The following SERPINA10 variants were observed in gnomAD, a reference collection of about 807,000 sequenced individuals.
The protein encoded by SERPINA10 is serpin family A member 10, also known as protein Z-dependent protease inhibitor.
In SERPINA10, 24 loss-of-function variants were observed where a neutral mutation model predicts 28.0. The observed-to-expected ratio is 0.86, with a 90% CI of 0.62 to 1.20. The LOEUF (loss-of-function observed/expected upper bound fraction) is 1.20. Ranked by LOEUF, SERPINA10 falls within the 50% of genes most tolerant of loss-of-function variation. The probability of loss-of-function intolerance (pLI) is 0.00; values close to 1 mark genes in which losing one functional copy is unlikely to be tolerated. For missense variants in SERPINA10, 521 were observed against 537.7 expected, an observed-to-expected ratio of 0.97 and a Z score of 0.31; for synonymous variants, 207 against 203.9, an observed-to-expected ratio of 1.02 and a Z score of -0.13.
chr14:94,290,110 G>T lies in SERPINA10; in HGVS notation c.484C>A (p.Gln162Lys), dbSNP rs958202784. ...TTGTGGATGAAGGCAAAACTCCCCT[G>T]TGTGAGGCCCAGTTCCAGGTTGCGG... ...LSRNLELGLT[Q>K]GSFAFIHKDF... Residue 162 changes from glutamine to lysine, a missense_variant, in exon 2 of 5, where the codon CAG becomes AAG. Gln to Lys is a moderately conservative substitution (Grantham distance 53). Transcript: ENST00000261994. 5 of 1,614,084 alleles carry T rather than the reference G, an allele frequency of 3.1e-6. No homozygotes were observed. The highest frequency in any genetic ancestry group is 4.2e-6 in the Non-Finnish European group (5 of 1,180,042).
rs988524912 is a variant in SERPINA10 at position 94,283,407 on chromosome 14, G to A, written c.*558C>T. Reference sequence around the variant, plus strand: ...TCTCAGTTAACCATGGTCAACCATGGTCCAAAAACATTAAATGAAAAATTC... The same window carrying A: ...TCTCAGTTAACCATGGTCAACCATGATCCAAAAACATTAAATGAAAAATTC... On this transcript the variant is annotated 3_prime_UTR_variant, in exon 5 of 5. Coordinates refer to ENST00000261994, the MANE Select transcript of SERPINA10 (RefSeq NM_001100607.3). The A allele has an allele frequency of 3.3e-5, 5 of 153,798 alleles. No individual in the cohort carries two copies. Among genetic ancestry groups the A allele is most frequent in the African/African-American group, 1.2e-4 (5 of 41,406 alleles). The allele number at this position is 153,798 out of a possible 1,614,324, so 9.5% of individuals were successfully genotyped here.
chr14:94,288,260 G>A (rs776837092), intron 3 of SERPINA10, 26 bp downstream of exon 3: 4 of 1,612,742 alleles, frequency 2.5e-6, no homozygotes, highest in Admixed American at 1.7e-5. Flanking sequence ...GGTAGAGTTT[G>A]TATAGGGTGT....
rs574684201 is a variant in SERPINA10, at chr14:94,283,989, C to G, written c.1311G>C (p.Arg437Ser). 36 of 1,614,028 alleles carry G rather than the reference C, an allele frequency of 2.2e-5. No individual in the cohort carries two copies. The highest frequency in any genetic ancestry group is 1.7e-4 in the African/African-American group (13 of 75,038). ...ATTATAGGAGAGTCGGATTCACCAC[C>G]CTGCCCAGAAACAGAAGCATTCCAG... ...ETSGMLLFLG[R>S]VVNPTLL The change falls in exon 5 of 5, where the codon AGG becomes AGC. Residue 437 changes from arginine (R) to serine (S), a missense_variant. Transcript: ENST00000261994.
At chr14:94,289,837 G>T in intron 2 of SERPINA10, 39 bp downstream of exon 2, 1 of 1,605,810 alleles carries the variant, frequency 6.2e-7, no homozygotes, top group South Asian at 1.1e-5. Flanking sequence ...CAATCGTAGG[G>T]CCCTGTGGCC....
chr14:94,284,056 T>TTGA lies in SERPINA10; in HGVS notation c.1241_1243dup (p.Ile414dup). 1 of 1,614,220 alleles carries TTGA rather than the reference T, an allele frequency of 6.2e-7. No homozygotes were observed. On this transcript the variant is annotated inframe_insertion, in exon 5 of 5. Transcript: ENST00000261994. ...CATGAAATGAAATGGCCGGTCCACT[T>TTGA]TGATGACAGGAGGCATGGAATAAGC... is the stretch of plus-strand genomic sequence containing the variant.
At position 94,282,325 on chromosome 14, in the gene SERPINA10, C is replaced by T. The variant is rs979505233; in HGVS notation, c.*1640G>A. 1.3e-5 allele frequency: 2 copies of T among 152,116 alleles called. No individual in the cohort carries two copies. The highest frequency in any genetic ancestry group is 4.8e-5 in the African/African-American group (2 of 41,412). 9.4% of individuals were successfully genotyped at this position (152,116 alleles called of 1,614,324 possible). On this transcript the variant is annotated 3_prime_UTR_variant, in exon 5 of 5. Coordinates refer to ENST00000261994, the MANE Select transcript of SERPINA10 (RefSeq NM_001100607.3). ...TTAGGCATTTAGTTAACATAGTTCA[C>T]ACTGTAAATCAGCTCTATTCAGGAT...
chr14:94,291,594 C>T (rs960368709), intron 1 of SERPINA10, among the ~76,000 whole-genome samples: 7 of 152,212 alleles, frequency 4.6e-5, no homozygotes, highest in Non-Finnish European at 1.0e-4. Flanking sequence ...GGCAGAACCC[C>T]TGGGACACCT....
In SERPINA10 at chr14:94,290,155, C is replaced by T. The variant is rs1313011964; in HGVS notation, c.439G>A (p.Gly147Arg). The T allele has an allele frequency of 1.9e-6, 3 of 1,614,064 alleles. No homozygotes were observed. Among genetic ancestry groups the T allele is most frequent in the Non-Finnish European group, 2.5e-6 (3 of 1,180,012 alleles). ...TTGCGGGAGAGGGTCTCTCTGAGTCCCTTAAAGAGGGAAGGCAGGAGCCCG... is the reference window on the plus strand; with the variant it reads ...TTGCGGGAGAGGGTCTCTCTGAGTCTCTTAAAGAGGGAAGGCAGGAGCCCG... Reference protein sequence around the residue: ...KPGLLPSLFKGLRETLSRNLE... With the variant: ...KPGLLPSLFKRLRETLSRNLE... The change falls in exon 2 of 5, where the codon GGA (glycine) becomes AGA (arginine). Residue 147 changes from glycine (G) to arginine (R), a missense_variant. Coordinates refer to ENST00000261994, the MANE Select transcript of SERPINA10 (RefSeq NM_001100607.3).
rs765599953 is a variant in SERPINA10, at chr14:94,283,951, A to T, written c.*14T>A. ...GCATCTACTACAGCACGAAGTGCTT[A>T]TGCGTGTCCTGAATTATAGGAGAGT... is the stretch of plus-strand genomic sequence containing the variant. On this transcript the variant is annotated 3_prime_UTR_variant, in exon 5 of 5. Coordinates refer to ENST00000261994, the MANE Select transcript of SERPINA10 (RefSeq NM_001100607.3). The T allele has an allele frequency of 1.2e-6, 2 of 1,613,272 alleles. No individual in the cohort carries two copies. Among genetic ancestry groups the T allele is most frequent in the South Asian group, 1.1e-5 (1 of 91,060 alleles).
rs571162155 is a variant in SERPINA10 at position 94,282,245 on chromosome 14, A to G, written c.*1720T>C. ...CTGAATTATATTAAACAACTAATCA[A>G]TAAATGAATTTTAGGTTTTTTTAAA... On this transcript the variant is annotated 3_prime_UTR_variant, in exon 5 of 5. Coordinates refer to ENST00000261994, the MANE Select transcript of SERPINA10 (RefSeq NM_001100607.3). 5.9e-5 allele frequency: 9 copies of G among 152,212 alleles called. No homozygotes were observed. In the East Asian group the frequency reaches 1.4e-3, roughly 23 times the overall value. The allele number at this position is 152,212 out of a possible 1,614,324, so 9.4% of individuals were successfully genotyped here.
intron 2 of SERPINA10, among the ~76,000 whole-genome samples, chr14:94,289,197 C>A: frequency 6.6e-6 from 1 of 152,320 alleles, no homozygotes; most frequent in Middle Eastern, 3.4e-3. Flanking sequence ...AAGTGGCATC[C>A]AACCCACGTC....
intron 4 of SERPINA10, among the ~76,000 whole-genome samples, chr14:94,284,718 G>A (rs909919933): frequency 1.3e-5 from 2 of 152,148 alleles, no homozygotes; most frequent in Non-Finnish European, 2.9e-5. Flanking sequence ...TGTTTGGGAG[G>A]CCCTTTTTTA....
Position 94,282,713 on chromosome 14 carries a change from G to A in SERPINA10, c.*1252C>T, listed in dbSNP as rs1361075094. ...CAGTACTGTAAGGGCCCATGAAGGT[G>A]TTTTGCTTATTGCCATATGCTAGAC... is the stretch of plus-strand genomic sequence containing the variant. On this transcript the variant is annotated 3_prime_UTR_variant, in exon 5 of 5. Transcript: ENST00000261994. 6.6e-6 allele frequency: 1 copy of A among 152,182 alleles called. No individual in the cohort carries two copies. Among genetic ancestry groups the A allele is most frequent in the Non-Finnish European group, 1.5e-5 (1 of 68,048 alleles). 9.4% of individuals were successfully genotyped at this position (152,182 alleles called of 1,614,324 possible).
At position 94,292,284 on chromosome 14, in the gene SERPINA10, T is replaced by G. The variant is rs1261306382; in HGVS notation, c.-51+905A>C. ...GAGCAGAGTCCCCCTCCGCACCTCC[T>G]CTCCATGGGAGGACACGGTGCGAAG... On this transcript the variant is annotated intron_variant, in intron 1 of 4. Transcript: ENST00000261994. 2.0e-5 allele frequency among the ~76,000 whole-genome samples: 3 copies of G among 151,942 alleles called. No individual in the cohort carries two copies. In the East Asian group the frequency reaches 5.8e-4, roughly 29 times the overall value.
intron 4 of SERPINA10, among the ~76,000 whole-genome samples, chr14:94,285,466 T>C (rs1894995420): frequency 6.6e-6 from 1 of 151,858 alleles, no homozygotes; most frequent in African/African-American, 2.4e-5. Flanking sequence ...TCTCCATATA[T>C]ATATGTATGT....
chr14:94,288,693 G>T, intron 2 of SERPINA10, 134 bp from the exon 3 acceptor site: 1 of 1,247,860 alleles, frequency 8.0e-7, no homozygotes, highest in Non-Finnish European at 1.1e-6. Flanking sequence ...TAGGAAAGGC[G>T]TTCCCTAATT....
chr14:94,286,371 T>C (rs192923795), intron 3 of SERPINA10, 113 bp from the exon 4 acceptor site: 126 of 1,172,280 alleles, frequency 1.1e-4, no homozygotes, highest in Admixed American at 7.6e-4. Flanking sequence ...AGTCTTTCAG[T>C]TGACTATGTA....
At position 94,282,564 on chromosome 14, in the gene SERPINA10, G is replaced by A. The variant is rs979858501; in HGVS notation, c.*1401C>T. ...AAAAAGGGCTTGGAGACTAGACTCA[G>A]GAAAGGTAGGCTTCTGACTCTGCCA... On this transcript the variant is annotated 3_prime_UTR_variant, in exon 5 of 5. Transcript: ENST00000261994. 9.9e-5 allele frequency: 15 copies of A among 152,182 alleles called. No individual in the cohort carries two copies. Among genetic ancestry groups the A allele is most frequent in the African/African-American group, 3.1e-4 (13 of 41,426 alleles). The allele number at this position is 152,182 out of a possible 1,614,324, so 9.4% of individuals were successfully genotyped here.
Position 94,283,669 on chromosome 14 carries a change from ATTG to A in SERPINA10, c.*293_*295del. On this transcript the variant is annotated 3_prime_UTR_variant, in exon 5 of 5. Transcript: ENST00000261994. ...ACTCATTTTACTTAATGTTGTTATT[ATTG>A]TTAATCTCTTACTGTGCCTAATTTA... 9.3e-6 allele frequency: 4 copies of A among 431,864 alleles called. No individual in the cohort carries two copies. In the South Asian group the frequency reaches 1.1e-4, roughly 12 times the overall value. 26.8% of individuals were successfully genotyped at this position (431,864 alleles called of 1,614,324 possible).
Sources: allele counts gnomAD v4.1 joint callset (sites outside exome capture counted in the v4.1 genomes callset), GRCh38; gene constraint gnomAD v4.1.1; transcripts MANE v1.5; gene names NCBI Gene and HGNC (gene_info 2026-07-23, HGNC 2026-07-21).